The following RC3H1 variants were observed in gnomAD, a reference collection of about 807,000 sequenced individuals.
RC3H1 encodes the protein ring finger and CCCH-type domains 1, also known as roquin-1.
In RC3H1, 50 loss-of-function variants were observed where a neutral mutation model predicts 138.2. The observed-to-expected ratio is 0.36, with a 90% CI of 0.29 to 0.46. The LOEUF is 0.46. RC3H1 is among the 20% of genes least tolerant of loss of function. The pLI is 1.00. For missense variants in RC3H1, 1,031 were observed against 1,388.1 expected (o/e 0.74, Z 4.09); for synonymous variants, 462 against 489.1 (o/e 0.94, Z 0.73).
intron 1 of RC3H1, among the ~76,000 whole-genome samples, chr1:173,998,563 G>C (rs1661505556): frequency 6.6e-6 from 1 of 152,118 alleles, no homozygotes; most frequent in Admixed American, 6.6e-5. Flanking sequence ...AGTGCTCACA[G>C]AAAACACTGA....
chr1:173,966,949 C>T (rs546214952), intron 9 of RC3H1, among the ~76,000 whole-genome samples: 1 of 152,220 alleles, frequency 6.6e-6, no homozygotes, highest in South Asian at 2.1e-4. Flanking sequence ...TATATTACTG[C>T]TAATTTTTCC....
chr1:173,949,271 A>G (rs760370006), intron 14 of RC3H1, among the ~76,000 whole-genome samples: 1 of 152,070 alleles, frequency 6.6e-6, no homozygotes, highest in Non-Finnish European at 1.5e-5. Flanking sequence ...GTATTTATCT[A>G]TGAAAATCTA....
In RC3H1 at chr1:173,935,099, A is replaced by G. The variant is rs1487842821; in HGVS notation, c.*3622T>C. 2.0e-5 allele frequency: 3 copies of G among 152,352 alleles called. No homozygotes were observed. The highest frequency in any genetic ancestry group is 7.2e-5 in the African/African-American group (3 of 41,590). The allele number at this position is 152,352 out of a possible 1,614,324, so 9.4% of individuals were successfully genotyped here. On this transcript the variant is annotated 3_prime_UTR_variant, in exon 20 of 20. Coordinates refer to ENST00000367696, the MANE Select transcript of RC3H1 (RefSeq NM_172071.4). ...TAGGAATAATGTCTTATCAATATCTAGAATACTACTACTAGAAATCTAGCT... is the reference window on the plus strand; with the variant it reads ...TAGGAATAATGTCTTATCAATATCTGGAATACTACTACTAGAAATCTAGCT...
chr1:174,014,491 A>G (rs1335088364), intron 1 of RC3H1, among the ~76,000 whole-genome samples: 1 of 152,230 alleles, frequency 6.6e-6, no homozygotes, highest in Non-Finnish European at 1.5e-5. Context: ...CATATGAAGA[A>G]TTACTTCATT....
rs201261578 is a variant in RC3H1, at chr1:173,961,081, T to G, written c.2366A>C (p.Glu789Ala). The G allele has an allele frequency of 6.2e-7, 1 of 1,612,474 alleles. No individual in the cohort carries two copies. The highest frequency in any genetic ancestry group is 2.2e-5 in the East Asian group (1 of 44,814). Residue 789 changes from glutamate (E) to alanine (A), a missense_variant, in exon 13 of 20, where the codon GAA becomes GCA. Around this residue, in one of 7 missense-constraint regions of RC3H1, gnomAD observed 716 missense variants for 837.9 expected, o/e 0.85. Coordinates refer to ENST00000367696, the MANE Select transcript of RC3H1 (RefSeq NM_172071.4). ...GACTAAAAATGATTTGCTTACTTCT[T>G]CCGGATGAAAGGTAGGAGGCAAGGT... ...SPTLPPTFHPEEFLDEDLKVA... is the reference protein window; with the variant it reads ...SPTLPPTFHPAEFLDEDLKVA...
Position 173,978,547 on chromosome 1 carries a change from G to C in RC3H1, c.1043C>G (p.Ala348Gly). 6.2e-7 allele frequency: 1 copy of C among 1,614,070 alleles called. No individual in the cohort carries two copies. ...TIALQRTGDP[A>G]NLNRLRPHLE... ...ATGGGGTCTTAGTCGGTTCAAGTTT[G>C]CTGGGTCTCCAGTTCGCTGGAGAGC... Residue 348 changes from alanine (A) to glycine (G), a missense_variant, in exon 7 of 20, where the codon GCA becomes GGA. Transcript: ENST00000367696.
Position 173,964,905 on chromosome 1 carries a change from T to C in RC3H1, c.1550A>G (p.Asp517Gly). The C allele has an allele frequency of 6.2e-7, 1 of 1,614,156 alleles. No individual in the cohort carries two copies. The highest frequency in any genetic ancestry group is 8.5e-7 in the Non-Finnish European group (1 of 1,180,004). Reference sequence around the variant, plus strand: ...TATTTTTCCTGGTTTCAGACTAGAATCATAGCTGGGGTCTGTCCCTCGCGG... The same window carrying C: ...TATTTTTCCTGGTTTCAGACTAGAACCATAGCTGGGGTCTGTCCCTCGCGG... ...LIPRGTDPSY[D>G]SSLKPGKIDH... The change falls in exon 10 of 20, where the codon GAT becomes GGT. Residue 517 changes from aspartate (D) to glycine (G), a missense_variant. By Grantham distance (94) the Asp-to-Gly change is moderately conservative. Coordinates refer to ENST00000367696, the MANE Select transcript of RC3H1 (RefSeq NM_172071.4).
intron 2 of RC3H1, among the ~76,000 whole-genome samples, chr1:173,986,209 A>G (rs1661025650): frequency 6.6e-6 from 1 of 152,122 alleles, no homozygotes; most frequent in Non-Finnish European, 1.5e-5. Context: ...TATTATTAAC[A>G]TCTTACACTG....
chr1:174,012,195 C>T (rs1661782747), intron 1 of RC3H1, among the ~76,000 whole-genome samples: 1 of 151,498 alleles, frequency 6.6e-6, no homozygotes, highest in South Asian at 2.1e-4. Flanking sequence ...CCCTCTACTG[C>T]ACTCTAGCCT....
At chr1:174,003,385 T>TCTCA (rs149830389) in intron 1 of RC3H1, among the ~76,000 whole-genome samples, 1 of 143,224 alleles carries the variant, frequency 7.0e-6, no homozygotes, top group Non-Finnish European at 1.5e-5. Flanking sequence ...AAGACTCCTA[T>TCTCA]CACACACACA....
intron 7 of RC3H1, among the ~76,000 whole-genome samples, chr1:173,974,744 T>C (rs1243450745): frequency 6.6e-6 from 1 of 152,156 alleles, no homozygotes; most frequent in East Asian, 1.9e-4. Context: ...GGAAGGATAC[T>C]GGGTTTTACT....
chr1:174,008,637 T>C (rs1661695415), intron 1 of RC3H1, among the ~76,000 whole-genome samples: 1 of 152,152 alleles, frequency 6.6e-6, no homozygotes, highest in East Asian at 1.9e-4. Flanking sequence ...TGTATTATTA[T>C]TTTATCTTTA....
At position 173,935,273 on chromosome 1, in the gene RC3H1, T is replaced by A. The variant is rs1021041098; in HGVS notation, c.*3448A>T. 1 of 152,152 alleles carries A rather than the reference T, an allele frequency of 6.6e-6. No homozygotes were observed. Among genetic ancestry groups the A allele is most frequent in the African/African-American group, 2.4e-5 (1 of 41,434 alleles). The allele number at this position is 152,152 out of a possible 1,614,324, so 9.4% of individuals were successfully genotyped here. ...AAAAGAGCTACATATAAACCAGAAA[T>A]GGAATCTAGATGTCTTATTCTCAGT... On this transcript the variant is annotated 3_prime_UTR_variant, in exon 20 of 20. Coordinates refer to ENST00000367696, the MANE Select transcript of RC3H1 (RefSeq NM_172071.4).
rs531306402 is a variant in RC3H1 at position 173,948,663 on chromosome 1, G to A, written c.2524-1081C>T. ...TGTCACCAGGTTGGACTGCAGTGAT[G>A]TGTGAGCCTCAACCTCCTGGGCTCA... On this transcript the variant is annotated intron_variant, in intron 14 of 19. Transcript: ENST00000367696. Among the ~76,000 whole-genome samples the A allele has an allele frequency of 2.6e-5, 4 of 152,118 alleles. No individual in the cohort carries two copies. In the East Asian group the frequency reaches 7.7e-4, roughly 29 times the overall value.
intron 14 of RC3H1, among the ~76,000 whole-genome samples, chr1:173,949,135 G>GT (rs1406172325): frequency 2.0e-5 from 2 of 100,634 alleles, no homozygotes; most frequent in Admixed American, 1.6e-4. Context: ...TTTTTGGGGG[G>GT]GGGGGTGGGG....
At chr1:174,009,435 G>A (rs1411575892) in intron 1 of RC3H1, 1 of 152,198 alleles carries the variant, frequency 6.6e-6, no homozygotes, top group Non-Finnish European at 1.5e-5. Flanking sequence ...TAAACTGCAT[G>A]CTTCCCATCT....
At position 173,961,219 on chromosome 1, in the gene RC3H1, G is replaced by C; in HGVS notation, c.2228C>G (p.Pro743Arg). 6.2e-7 allele frequency: 1 copy of C among 1,613,106 alleles called. No homozygotes were observed. ...LREPPYSRLP[P>R]PPQPHPSLDE... ...TAGACTAGGATGAGGCTGGGGAGGA[G>C]GAGGAAGCCGGCTATAAGGAGGTTC... Residue 743 changes from proline to arginine, a missense_variant, in exon 13 of 20, where the codon CCT becomes CGT. Physicochemically the swap from Pro to Arg is moderately radical, Grantham distance 103. Coordinates refer to ENST00000367696, the MANE Select transcript of RC3H1 (RefSeq NM_172071.4).
intron 1 of RC3H1, among the ~76,000 whole-genome samples, chr1:173,997,659 T>G (rs181359527): frequency 6.6e-6 from 1 of 152,220 alleles, no homozygotes; most frequent in Admixed American, 6.5e-5. Flanking sequence ...AGAATAAAAA[T>G]ACAAAAATCA....
At chr1:173,970,899 C>T (rs1246606767) in intron 8 of RC3H1, among the ~76,000 whole-genome samples, 1 of 150,042 alleles carries the variant, frequency 6.7e-6, no homozygotes, top group Non-Finnish European at 1.5e-5. Context: ...CATGGGCATT[C>T]TTATACTTGT....
Sources: allele counts gnomAD v4.1 joint callset (sites outside exome capture counted in the v4.1 genomes callset), GRCh38; gene constraint gnomAD v4.1.1; regional missense constraint gnomAD v4.1.1; transcripts MANE v1.5; gene names NCBI Gene and HGNC (gene_info 2026-07-23, HGNC 2026-07-21).